The following PCSK5 variants were observed in gnomAD, a reference collection of about 807,000 sequenced individuals.
PCSK5 encodes the protein proprotein convertase subtilisin/kexin type 5.
A neutral mutation model predicts 233.2 loss-of-function variants in PCSK5; 129 were observed. The observed-to-expected ratio is 0.55, with a 90% confidence interval of 0.48 to 0.64. The LOEUF (loss-of-function observed/expected upper bound fraction) is 0.64, where lower values mean the gene tolerates loss of function less well. Ranked by LOEUF, PCSK5 falls within the 30% of genes least tolerant of loss-of-function variation. The pLI, the probability that PCSK5 is intolerant of heterozygous loss-of-function variation, is 0.00. For missense variants in PCSK5, 2,076 were observed against 2,430.1 expected, an observed-to-expected ratio of 0.85 and a Z score of 3.06; for synonymous variants, 825 against 879.2, an observed-to-expected ratio of 0.94 and a Z score of 1.09.
At chr9:76,318,434 C>T (rs1484543340) in intron 30 of PCSK5, among the ~76,000 whole-genome samples, 4 of 150,716 alleles carry the variant, frequency 2.7e-5, no homozygotes, top group Non-Finnish European at 4.4e-5. Flanking sequence ...CAAACCTGCA[C>T]ATTCTGCACA....
intron 15 of PCSK5, 148 bp from the exon 16 acceptor site, chr9:76,181,250 C>T (rs1823859005): frequency 1.6e-6 from 1 of 633,158 alleles, no homozygotes; most frequent in Non-Finnish European, 2.7e-6. Flanking sequence ...GTTTAACAAA[C>T]AATCTGGCTC....
chr9:75,955,912 C>A (rs931881889), intron 2 of PCSK5, among the ~76,000 whole-genome samples: 30 of 152,112 alleles, frequency 2.0e-4, no homozygotes, highest in African/African-American at 7.2e-4. Flanking sequence ...TCATTTAATG[C>A]TCTTGACTAC....
Position 76,033,583 on chromosome 9 carries a change from GA to G in PCSK5, c.632+6558del, listed in dbSNP as rs879667472. On this transcript the variant is annotated intron_variant, in intron 5 of 37. Coordinates refer to ENST00000674117, the MANE Select transcript of PCSK5 (RefSeq NM_001372043.1). Reference sequence around the variant, plus strand: ...AATGTATACCAAACATGCAATTGTGGAAAAAAAAAAAATCTGACACTTTCCA... The same window carrying G: ...AATGTATACCAAACATGCAATTGTGGAAAAAAAAAAATCTGACACTTTCCA... Among the ~76,000 whole-genome samples the G allele has an allele frequency of 2.5e-3, 363 of 144,924 alleles. 1 individual carries two copies. Among genetic ancestry groups the G allele is most frequent in the African/African-American group, 6.7e-3 (265 of 39,762 alleles).
At chr9:76,004,087 C>T (rs749591891) in intron 3 of PCSK5, among the ~76,000 whole-genome samples, 2 of 152,128 alleles carry the variant, frequency 1.3e-5, no homozygotes, top group African/African-American at 2.4e-5. Context: ...CATGAAACAC[C>T]GTGTCCAGCT....
chr9:76,359,139 A>G lies in PCSK5; in HGVS notation c.*217A>G, dbSNP rs1048082545. 1.9e-6 allele frequency: 1 copy of G among 537,336 alleles called. No individual in the cohort carries two copies. Among genetic ancestry groups the G allele is most frequent in the Non-Finnish European group, 3.3e-6 (1 of 301,506 alleles). The allele number at this position is 537,336 out of a possible 1,614,324, so 33.3% of individuals were successfully genotyped here. A position where few individuals can be genotyped will look rare whatever the true frequency, so the allele number is the denominator to read the frequency against. On this transcript the variant is annotated 3_prime_UTR_variant, in exon 38 of 38. Transcript: ENST00000674117. Reference sequence around the variant, plus strand: ...ACAGTTCCTGTTCAACCGTAATTGAAGAGCAAGGATAAAATTCAGAGGCAT... The same window carrying G: ...ACAGTTCCTGTTCAACCGTAATTGAGGAGCAAGGATAAAATTCAGAGGCAT...
chr9:76,285,436 T>A (rs186671500), intron 24 of PCSK5, among the ~76,000 whole-genome samples: 94 of 152,222 alleles, frequency 6.2e-4, no homozygotes, highest in Non-Finnish European at 2.8e-4. Flanking sequence ...GGTGAGAGCC[T>A]AGGAGTCTCC....
intron 24 of PCSK5, among the ~76,000 whole-genome samples, chr9:76,288,502 G>A (rs1828157254): frequency 6.6e-6 from 1 of 152,212 alleles, no homozygotes; most frequent in Admixed American, 6.5e-5. Flanking sequence ...TGTAATCTCA[G>A]CACTTTGGGA....
At chr9:76,231,921 G>A (rs1826100924) in intron 21 of PCSK5, among the ~76,000 whole-genome samples, 1 of 152,180 alleles carries the variant, frequency 6.6e-6, no homozygotes, top group Admixed American at 6.5e-5. Context: ...GAGGGCCTAG[G>A]AATCCAAGAG....
chr9:76,312,879 C>G (rs1245726164), intron 30 of PCSK5, among the ~76,000 whole-genome samples: 1 of 152,110 alleles, frequency 6.6e-6, no homozygotes, highest in East Asian at 1.9e-4. Flanking sequence ...TCCAGGAAGT[C>G]CAAGTCTGCA....
chr9:76,199,216 G>A (rs4745526), intron 20 of PCSK5, among the ~76,000 whole-genome samples: 140,374 of 152,232 alleles, frequency 0.92, 64,906 homozygotes, highest in East Asian at 1. Flanking sequence ...CACCTAAGCT[G>A]TATGGGATGG....
chr9:75,942,747 C>T (rs1481689536), intron 2 of PCSK5, among the ~76,000 whole-genome samples: 3 of 152,070 alleles, frequency 2.0e-5, no homozygotes, highest in African/African-American at 2.4e-5. Flanking sequence ...AAGTGACGGC[C>T]ATAAAAATAG....
intron 12 of PCSK5, among the ~76,000 whole-genome samples, chr9:76,164,472 G>T (rs1424258252): frequency 2.0e-5 from 3 of 152,194 alleles, no homozygotes. Flanking sequence ...AGCATAGTAA[G>T]CACTTAATAA....
Position 76,067,973 on chromosome 9 carries a change from T to A in PCSK5, c.651T>A (p.Ala217=), listed in dbSNP as rs1277646980. The part of the protein sequence containing the change: ...SNENKHGTRC[A]GEVAAAANNS... ...CCTGCAGGCATGGGACTCGCTGTGC[T>A]GGAGAAGTGGCAGCCGCTGCAAACA... Residue 217 remains alanine, a synonymous_variant, in exon 6 of 38, where the codon GCT becomes GCA. Transcript: ENST00000674117. 1 of 1,613,812 alleles carries A rather than the reference T, an allele frequency of 6.2e-7. No individual in the cohort carries two copies. Among genetic ancestry groups the A allele is most frequent in the African/African-American group, 1.3e-5 (1 of 74,928 alleles).
chr9:75,975,363 T>G (rs1360811031), intron 2 of PCSK5, among the ~76,000 whole-genome samples: 2 of 152,248 alleles, frequency 1.3e-5, no homozygotes, highest in Non-Finnish European at 2.9e-5. Flanking sequence ...TGACCATTGC[T>G]TATGAGCTAT....
intron 2 of PCSK5, among the ~76,000 whole-genome samples, chr9:75,963,529 G>C (rs1050199841): frequency 1.3e-5 from 2 of 152,188 alleles, no homozygotes; most frequent in African/African-American, 4.8e-5. Context: ...CATGCCAGGT[G>C]TGGGCTGGGG....
intron 20 of PCSK5, among the ~76,000 whole-genome samples, chr9:76,216,994 C>T (rs1194593316): frequency 1.3e-5 from 2 of 152,144 alleles, no homozygotes; most frequent in Non-Finnish European, 2.9e-5. Context: ...GCATGCGCCA[C>T]CACTCCTGGC....
chr9:75,974,979 TAAC>T (rs1466170630), intron 2 of PCSK5, among the ~76,000 whole-genome samples: 1 of 152,206 alleles, frequency 6.6e-6, no homozygotes, highest in Non-Finnish European at 1.5e-5. Context: ...CTTGCCAACA[TAAC>T]AATTGGTCAC....
intron 35 of PCSK5, among the ~76,000 whole-genome samples, chr9:76,346,129 A>G (rs540379309): frequency 6.9e-6 from 1 of 145,442 alleles, no homozygotes; most frequent in African/African-American, 2.5e-5. Context: ...TCCCAGCACC[A>G]TTTATTGACC....
rs761464274 is a variant in PCSK5 at position 76,358,716 on chromosome 9, A to G, written c.5458A>G (p.Lys1820Glu). ...ADPNKSYSSY[K>E]SSYRESTSFE... ...CCCCAACAAGTCTTACTCCTCCTAT[A>G]AGAGCAGCTATAGAGAGAGCACCAG... Residue 1820 changes from lysine to glutamate, a missense_variant, in exon 38 of 38, where the codon AAG becomes GAG. Lys to Glu is a moderately conservative substitution (Grantham distance 56). Transcript: ENST00000674117. The G allele has an allele frequency of 5.6e-6, 9 of 1,612,712 alleles. No individual in the cohort carries two copies. Among genetic ancestry groups the G allele is most frequent in the Non-Finnish European group, 7.6e-6 (9 of 1,179,860 alleles).
Sources: allele counts gnomAD v4.1 joint callset (sites outside exome capture counted in the v4.1 genomes callset), GRCh38; gene constraint gnomAD v4.1.1; transcripts MANE v1.5; gene names NCBI Gene and HGNC (gene_info 2026-07-23, HGNC 2026-07-21).